The following PKP3 variants were observed in gnomAD, a reference collection of about 807,000 sequenced individuals.
PKP3 encodes the protein plakophilin 3, also known as plakophilin-3.
A neutral mutation model predicts 76.5 loss-of-function variants in PKP3; 66 were observed. The observed-to-expected ratio is 0.86, with a 90% CI of 0.71 to 1.06. PKP3 has a LOEUF of 1.06. PKP3 is among the 50% of genes least tolerant of loss of function. The pLI, the probability that PKP3 is intolerant of heterozygous loss-of-function variation, is 0.00. For missense variants in PKP3, 1,338 were observed against 1,141.0 expected (o/e 1.17, Z -2.49); for synonymous variants, 638 against 516.5 (o/e 1.24, Z -3.19).
chr11:403,356 A>G lies in PKP3; in HGVS notation c.1923+93A>G, dbSNP rs559579513. On this transcript the variant is annotated intron_variant, in intron 9 of 12. Coordinates refer to ENST00000331563, the MANE Select transcript of PKP3 (RefSeq NM_007183.4). ...GGAGAGGGAGGGGAGGAGGAAGGGG[A>G]CGCCCAGGGTCCGCGGAGCCTCGGA... is the stretch of plus-strand genomic sequence containing the variant. 16 of 1,107,230 alleles carry G rather than the reference A, an allele frequency of 1.4e-5. No homozygotes were observed. The East Asian group carries it at 2.9e-4, about 20-fold the overall frequency. The allele number at this position is 1,107,230 out of a possible 1,614,324, so 68.6% of individuals were successfully genotyped here.
intron 4 of PKP3, 112 bp downstream of exon 4, chr11:397,774 G>C (rs1043397755): frequency 1.9e-5 from 21 of 1,083,662 alleles, no homozygotes; most frequent in Non-Finnish European, 2.8e-5. Context: ...CAAGCTGACT[G>C]GGTAGACCCC....
At chr11:395,036 G>C (rs1464546958) in intron 1 of PKP3, among the ~76,000 whole-genome samples, 1 of 152,230 alleles carries the variant, frequency 6.6e-6, no homozygotes, top group South Asian at 2.1e-4. Flanking sequence ...AATTAGAGGG[G>C]AGGGCCCGGC....
chr11:394,909 C>A (rs1847025881), intron 1 of PKP3, among the ~76,000 whole-genome samples: 1 of 152,152 alleles, frequency 6.6e-6, no homozygotes, highest in Non-Finnish European at 1.5e-5. Flanking sequence ...CACCCAGACA[C>A]CCACGCTCCT....
chr11:400,657 G>T lies in PKP3; in HGVS notation c.1689G>T (p.Pro563=). The T allele has an allele frequency of 7.4e-7, 1 of 1,358,650 alleles. No individual in the cohort carries two copies. The highest frequency in any genetic ancestry group is 9.4e-7 in the Non-Finnish European group (1 of 1,061,460). The allele number at this position is 1,358,650 out of a possible 1,614,324, so 84.2% of individuals were successfully genotyped here. ...GCAGGGACCTGGCGGGGGCGCCGCC[G>T]GGAGAGGTCGTGGGCTGCTTCACGC... is the stretch of plus-strand genomic sequence containing the variant. ...RGRRDLAGAP[P]GEVVGCFTPQ... The change falls in exon 8 of 13, where the codon CCG becomes CCT. Residue 563 remains proline, a synonymous_variant. Coordinates refer to ENST00000331563, the MANE Select transcript of PKP3 (RefSeq NM_007183.4).
At chr11:395,634 G>T (rs942657205) in intron 1 of PKP3, among the ~76,000 whole-genome samples, 1 of 152,228 alleles carries the variant, frequency 6.6e-6, no homozygotes, top group African/African-American at 2.4e-5. Flanking sequence ...GCGTCAGAGG[G>T]TTAATAGCCC....
At position 399,955 on chromosome 11, in the gene PKP3, C is replaced by G; in HGVS notation, c.1274-12C>G. ...AGGGCAGACGCTGATAGCAGCCTCC[C>G]CCGTCCTCCAGGGATCCTGTGGAAC... is the stretch of plus-strand genomic sequence containing the variant. On this transcript the variant is annotated splice_polypyrimidine_tract_variant and intron_variant, in intron 5 of 12. Coordinates refer to ENST00000331563, the MANE Select transcript of PKP3 (RefSeq NM_007183.4). The G allele has an allele frequency of 3.8e-6, 6 of 1,587,620 alleles. No homozygotes were observed. Among genetic ancestry groups the G allele is most frequent in the African/African-American group, 2.7e-5 (2 of 74,502 alleles).
intron 4 of PKP3, among the ~76,000 whole-genome samples, chr11:398,265 G>A (rs866264853): frequency 1.5e-5 from 1 of 65,878 alleles, no homozygotes; most frequent in African/African-American, 7.8e-5. Context: ...CATCACCTCC[G>A]TACACCCGCA....
intron 2 of PKP3, 45 bp from the exon 3 acceptor site, chr11:396,769 C>A: frequency 6.4e-7 from 1 of 1,567,708 alleles, no homozygotes. Context: ...GGCCCGGACA[C>A]AGGTGAGCCC....
Position 400,467 on chromosome 11 carries a change from T to TGGA in PKP3, c.1566+22_1566+24dup, listed in dbSNP as rs1277915159. 2 of 1,531,268 alleles carry TGGA rather than the reference T, an allele frequency of 1.3e-6. No individual in the cohort carries two copies. The highest frequency in any genetic ancestry group is 4.0e-5 in the Admixed American group (2 of 49,972). The allele number at this position is 1,531,268 out of a possible 1,614,324, so 94.9% of individuals were successfully genotyped here. A position where few individuals can be genotyped will look rare whatever the true frequency, so the allele number is the denominator to read the frequency against. On this transcript the variant is annotated intron_variant, in intron 7 of 12. Coordinates refer to ENST00000331563, the MANE Select transcript of PKP3 (RefSeq NM_007183.4). ...CGAGGACAAGGTGAGGGGCGCGGTGTGGAGGAGGGGCCGTGCCCCCGGGCC... is the reference window on the plus strand; with the variant it reads ...CGAGGACAAGGTGAGGGGCGCGGTGTGGAGGAGGAGGGGCCGTGCCCCCGGGCC...
chr11:400,102 C>T lies in PKP3; in HGVS notation c.1409C>T (p.Ser470Leu). Residue 470 changes from serine (S) to leucine (L), a missense_variant, in exon 6 of 13, where the codon TCG (serine) becomes TTG (leucine). Coordinates refer to ENST00000331563, the MANE Select transcript of PKP3 (RefSeq NM_007183.4). ...GGPPLIQQNA[S>L]EAEIFYNATG... Reference sequence around the variant, plus strand: ...CCCCCCCTCATCCAGCAGAACGCCTCGGAGGCAGAGATCTTCTACAACGCC... The same window carrying T: ...CCCCCCCTCATCCAGCAGAACGCCTTGGAGGCAGAGATCTTCTACAACGCC... The T allele has an allele frequency of 1.9e-6, 3 of 1,586,918 alleles. No individual in the cohort carries two copies. The highest frequency in any genetic ancestry group is 2.3e-5 in the East Asian group (1 of 44,430).
At chr11:396,476 C>A in intron 1 of PKP3, 132 bp from the exon 2 acceptor site, 2 of 612,356 alleles carry the variant, frequency 3.3e-6, no homozygotes, top group Non-Finnish European at 5.6e-6. Flanking sequence ...GCCCTGGTGC[C>A]CCCCTGGCCT....
In PKP3 at chr11:399,996, C is replaced by T; in HGVS notation, c.1303C>T (p.His435Tyr). 1 of 1,606,636 alleles carries T rather than the reference C, an allele frequency of 6.2e-7. No individual in the cohort carries two copies. The highest frequency in any genetic ancestry group is 8.5e-7 in the Non-Finnish European group (1 of 1,177,962). ...CCTGTGGAACCTTTCATCCAGCGACCACCTGAAGGACCGCCTGGCCAGAGA... is the reference window on the plus strand; with the variant it reads ...CCTGTGGAACCTTTCATCCAGCGACTACCTGAAGGACCGCCTGGCCAGAGA... ...GILWNLSSSD[H>Y]LKDRLARDTL... The change falls in exon 6 of 13, where the codon CAC becomes TAC. Residue 435 changes from histidine (H) to tyrosine (Y), a missense_variant. Physicochemically the swap from His to Tyr is moderately conservative, Grantham distance 83. Transcript: ENST00000331563.
At chr11:399,369 C>T (rs1192226441) in intron 5 of PKP3, among the ~76,000 whole-genome samples, 173 bp downstream of exon 5, 1 of 40,520 alleles carries the variant, frequency 2.5e-5, no homozygotes, top group Non-Finnish European at 4.5e-5. Context: ...CTGCCTTACC[C>T]CCCCACCTGC....
In PKP3 at chr11:400,648, G is replaced by C; in HGVS notation, c.1680G>C (p.Gly560=). 7.3e-7 allele frequency: 1 copy of C among 1,367,680 alleles called. No homozygotes were observed. Among genetic ancestry groups the C allele is most frequent in the Non-Finnish European group, 9.4e-7 (1 of 1,067,388 alleles). 84.7% of individuals were successfully genotyped at this position (1,367,680 alleles called of 1,614,324 possible). A position where few individuals can be genotyped will look rare whatever the true frequency, so the allele number is the denominator to read the frequency against. The change falls in exon 8 of 13, where the codon GGG becomes GGC. Residue 560 remains glycine, a synonymous_variant. Coordinates refer to ENST00000331563, the MANE Select transcript of PKP3 (RefSeq NM_007183.4). The part of the protein sequence containing the change: ...LEGRGRRDLA[G]APPGEVVGCF... Reference sequence around the variant, plus strand: ...GTCGCGGCCGCAGGGACCTGGCGGGGGCGCCGCCGGGAGAGGTCGTGGGCT... The same window carrying C: ...GTCGCGGCCGCAGGGACCTGGCGGGCGCGCCGCCGGGAGAGGTCGTGGGCT...
intron 7 of PKP3, 25 bp downstream of exon 7, chr11:400,476 G>A: frequency 6.6e-6 from 10 of 1,523,424 alleles, no homozygotes; most frequent in Non-Finnish European, 8.8e-6. Flanking sequence ...GTGGAGGAGG[G>A]GCCGTGCCCC....
upstream of PKP3, chr11:392,613 C>A (rs922748586): frequency 3.1e-6 from 4 of 1,278,880 alleles, no homozygotes; most frequent in Non-Finnish European, 3.1e-6. Flanking sequence ...CTGCCCCGCA[C>A]GCGCCGGGCC....
In PKP3 at chr11:397,211, T is replaced by G. The variant is rs752972411; in HGVS notation, c.710T>G (p.Val237Gly). The G allele has an allele frequency of 5.0e-6, 8 of 1,598,456 alleles. No homozygotes were observed. In the Admixed American group the frequency reaches 1.3e-4, roughly 27 times the overall value. The change falls in exon 3 of 13, where the codon GTT becomes GGT. Residue 237 changes from valine to glycine, a missense_variant. Val to Gly is a moderately radical substitution (Grantham distance 109, BLOSUM62 -3). Coordinates refer to ENST00000331563, the MANE Select transcript of PKP3 (RefSeq NM_007183.4). ...CTGGACTGGCCCGAGGCCACTGAGG[T>G]TTCCCCGAGCCGGACCATCCGTGCC... ...GGLDWPEATE[V>G]SPSRTIRAPA...
chr11:403,167 G>T lies in PKP3; in HGVS notation c.1827G>T (p.Gly609=). The T allele has an allele frequency of 6.3e-7, 1 of 1,587,688 alleles. No individual in the cohort carries two copies. Among genetic ancestry groups the T allele is most frequent in the Non-Finnish European group, 8.6e-7 (1 of 1,169,020 alleles). Residue 609 remains glycine (G), a synonymous_variant, in exon 9 of 13, where the codon GGG becomes GGT. Coordinates refer to ENST00000331563, the MANE Select transcript of PKP3 (RefSeq NM_007183.4). ...LEWLWSPQIV[G]LYNRLLQRCE... ...GGCTGTGGAGCCCCCAGATCGTGGGGCTGTACAACCGGCTGCTGCAGCGCT... is the reference window on the plus strand; with the variant it reads ...GGCTGTGGAGCCCCCAGATCGTGGGTCTGTACAACCGGCTGCTGCAGCGCT...
chr11:395,286 G>A (rs2133594043), intron 1 of PKP3, among the ~76,000 whole-genome samples: 1 of 152,342 alleles, frequency 6.6e-6, no homozygotes, highest in Non-Finnish European at 1.5e-5. Context: ...GGACCTCCCA[G>A]AATGCCAGGG....
Sources: gnomAD v4.1 joint callset for allele counts (sites outside exome capture counted in the v4.1 genomes callset) on GRCh38, gnomAD v4.1.1 for gene constraint, MANE v1.5 for transcripts, NCBI Gene and HGNC (gene_info 2026-07-23, HGNC 2026-07-21) for gene names.